UBE2D3: variants seen among roughly 807,000 people sequenced by gnomAD.
The protein encoded by UBE2D3 is ubiquitin-conjugating enzyme E2 D3.
In UBE2D3, 2 loss-of-function variants were observed where a neutral mutation model predicts 22.8. The observed-to-expected ratio is 0.09, with a 90% confidence interval of 0.04 to 0.28. The LOEUF is 0.28. Ranked by LOEUF, UBE2D3 falls within the 10% of genes least tolerant of loss-of-function variation. UBE2D3 has a pLI of 1.00. For synonymous variants in UBE2D3, 56 were observed against 60.4 expected, an observed-to-expected ratio of 0.93 and a Z score of 0.34; for missense variants, 27 against 182.5, an observed-to-expected ratio of 0.15 and a Z score of 4.91.
chr4:102,839,857 T>C (rs1288493942), intron 1 of UBE2D3, among the ~76,000 whole-genome samples: 1 of 152,202 alleles, frequency 6.6e-6, no homozygotes, highest in African/African-American at 2.4e-5. Context: ...AGATAACCTG[T>C]TGTATGGAAG....
intron 1 of UBE2D3, among the ~76,000 whole-genome samples, chr4:102,863,608 C>T (rs932482598): frequency 6.6e-6 from 1 of 152,116 alleles, no homozygotes; most frequent in African/African-American, 2.4e-5. Context: ...ATTCTCATGC[C>T]TCAGCCACCT....
chr4:102,850,968 C>T (rs1414470908), intron 1 of UBE2D3, among the ~76,000 whole-genome samples: 1 of 152,062 alleles, frequency 6.6e-6, no homozygotes, highest in Non-Finnish European at 1.5e-5. Flanking sequence ...TAAAAGACTA[C>T]GCATTGGCTA....
intron 1 of UBE2D3, chr4:102,827,144 T>C: frequency 1.0e-6 from 1 of 986,834 alleles, no homozygotes; most frequent in Non-Finnish European, 1.2e-6. Flanking sequence ...GACGCCACCG[T>C]ACACTCACTC....
At chr4:102,839,862 T>C (rs976323210) in intron 1 of UBE2D3, among the ~76,000 whole-genome samples, 1 of 152,142 alleles carries the variant, frequency 6.6e-6, no homozygotes, top group Non-Finnish European at 1.5e-5. Flanking sequence ...ACCTGTTGTA[T>C]GGAAGAAAAT....
chr4:102,802,699 CATTT>C lies in UBE2D3; in HGVS notation c.121-65_121-62del, dbSNP rs1173000661. Reference sequence around the variant, plus strand: ...AATATTATTGCTAAATATTCCGTAACATTTGTTTCCAAGCATTTCTCTAATAATG... The same window carrying C: ...AATATTATTGCTAAATATTCCGTAACGTTTCCAAGCATTTCTCTAATAATG... On this transcript the variant is annotated intron_variant, in intron 4 of 7. Transcript: ENST00000453744. 8.3e-6 allele frequency: 11 copies of C among 1,330,290 alleles called. No homozygotes were observed. The East Asian group carries it at 2.6e-4, about 32-fold the overall frequency. The allele number at this position is 1,330,290 out of a possible 1,614,324, so 82.4% of individuals were successfully genotyped here.
intron 4 of UBE2D3, among the ~76,000 whole-genome samples, chr4:102,807,937 C>G (rs1285819013): frequency 3.9e-5 from 6 of 152,194 alleles, no homozygotes; most frequent in African/African-American, 7.2e-5. Flanking sequence ...ATTCTGCACA[C>G]CATCCAATTA....
chr4:102,812,914 G>C (rs1728249951), intron 2 of UBE2D3: 1 of 152,052 alleles, frequency 6.6e-6, no homozygotes, highest in South Asian at 2.1e-4. Flanking sequence ...ACAGTCAATG[G>C]GGGTTATTAA....
intron 1 of UBE2D3, among the ~76,000 whole-genome samples, chr4:102,867,382 C>A (rs1733193560): frequency 6.6e-6 from 1 of 152,082 alleles, no homozygotes; most frequent in Admixed American, 6.5e-5. Context: ...ATTAGCAGTT[C>A]GTTATTATAT....
chr4:102,824,938 G>T (rs1730219989), intron 2 of UBE2D3, among the ~76,000 whole-genome samples: 1 of 152,120 alleles, frequency 6.6e-6, no homozygotes, highest in South Asian at 2.1e-4. Flanking sequence ...CTCCTAAAAA[G>T]CGTTTCTTCC....
At chr4:102,818,656 A>G (rs1298634482) in intron 2 of UBE2D3, among the ~76,000 whole-genome samples, 1 of 152,054 alleles carries the variant, frequency 6.6e-6, no homozygotes, top group Non-Finnish European at 1.5e-5. Context: ...CACCAAAAAA[A>G]TCTCTCTAAA....
At chr4:102,826,814 G>A (rs1730581370) in intron 1 of UBE2D3, 178 bp from the exon 2 acceptor site, 3 of 1,232,072 alleles carry the variant, frequency 2.4e-6, no homozygotes, top group Non-Finnish European at 3.1e-6. Context: ...GAAGAGCGGA[G>A]GTGGTGGCTA....
intron 6 of UBE2D3, among the ~76,000 whole-genome samples, chr4:102,801,170 T>C (rs1455056383): frequency 6.6e-6 from 1 of 151,976 alleles, no homozygotes; most frequent in East Asian, 1.9e-4. Context: ...TGGTTTGGGA[T>C]TGAAAAATAC....
At chr4:102,864,178 A>G (rs138618807) in intron 1 of UBE2D3, among the ~76,000 whole-genome samples, 174 of 152,356 alleles carry the variant, frequency 1.1e-3, no homozygotes, top group African/African-American at 4.1e-3. Flanking sequence ...TTTACAGGTT[A>G]TATAATTTAT....
intron 1 of UBE2D3, among the ~76,000 whole-genome samples, chr4:102,861,558 T>C (rs2110380263): frequency 6.6e-6 from 1 of 152,174 alleles, no homozygotes; most frequent in South Asian, 2.1e-4. Context: ...TCCTTCTTCA[T>C]GCCTAGTTCA....
chr4:102,801,804 C>A, intron 5 of UBE2D3: 1 of 303,470 alleles, frequency 3.3e-6, no homozygotes, highest in Non-Finnish European at 6.1e-6. Context: ...GTTACTGTGG[C>A]CCTACCATAT....
chr4:102,831,815 G>C (rs556275884), upstream of UBE2D3, among the ~76,000 whole-genome samples: 1 of 152,146 alleles, frequency 6.6e-6, no homozygotes, highest in East Asian at 1.9e-4. Flanking sequence ...ACTTTCATTC[G>C]GTTTGTCAAT....
At chr4:102,852,873 A>G (rs1732429143) in intron 1 of UBE2D3, among the ~76,000 whole-genome samples, 1 of 152,134 alleles carries the variant, frequency 6.6e-6, no homozygotes, top group Non-Finnish European at 1.5e-5. Flanking sequence ...ATACCCTTTT[A>G]CTTGGACCCC....
At chr4:102,802,369 AC>A (rs1368912504) in intron 5 of UBE2D3, 191 bp downstream of exon 5, 1 of 382,724 alleles carries the variant, frequency 2.6e-6, no homozygotes, top group African/African-American at 2.1e-5. Context: ...GAAAAGGCAA[AC>A]CTTATTCCTA....
chr4:102,853,375 A>G (rs1021119013), intron 1 of UBE2D3, among the ~76,000 whole-genome samples: 2 of 151,968 alleles, frequency 1.3e-5, no homozygotes, highest in Non-Finnish European at 2.9e-5. Flanking sequence ...AGACAAAATT[A>G]TGTACATTAT....
Sources: gnomAD v4.1 joint callset for allele counts (sites outside exome capture counted in the v4.1 genomes callset) on GRCh38, gnomAD v4.1.1 for gene constraint, MANE v1.5 for transcripts, NCBI Gene and HGNC (gene_info 2026-07-23, HGNC 2026-07-21) for gene names.